BRPF3: variants seen among roughly 807,000 people sequenced by gnomAD.
BRPF3 encodes bromodomain and PHD finger-containing protein 3.
In BRPF3, 18 loss-of-function variants were observed where a neutral mutation model predicts 102.0. The ratio of observed to expected loss-of-function variants is 0.18; its 90% CI spans 0.12 to 0.26. The LOEUF (loss-of-function observed/expected upper bound fraction) is 0.26. BRPF3 is among the 10% of genes least tolerant of loss of function. The pLI is 1.00. For missense variants in BRPF3, 1,147 were observed against 1,567.8 expected, an observed-to-expected ratio of 0.73 and a Z score of 4.53; for synonymous variants, 570 against 614.2, an observed-to-expected ratio of 0.93 and a Z score of 1.06.
In BRPF3 at chr6:36,232,422, C is replaced by G. The variant is rs1768965617; in HGVS notation, c.*1813C>G. 6.6e-6 allele frequency: 1 copy of G among 152,564 alleles called. No individual in the cohort carries two copies. Among genetic ancestry groups the G allele is most frequent in the South Asian group, 2.1e-4 (1 of 4,832 alleles). 9.5% of individuals were successfully genotyped at this position (152,564 alleles called of 1,614,324 possible). ...CTTGGGACTTCCTCTCTTTCTATGT[C>G]TATCTCTTCCCCCCAACACTTTCTC... On this transcript the variant is annotated 3_prime_UTR_variant, in exon 13 of 13. Transcript: ENST00000357641.
intron 10 of BRPF3, among the ~76,000 whole-genome samples, chr6:36,222,856 T>C (rs1037090462): frequency 2.6e-5 from 4 of 152,244 alleles, no homozygotes; most frequent in Non-Finnish European, 4.4e-5. Context: ...TATGCATAGA[T>C]AATTTTATAT....
At chr6:36,216,545 T>A (rs1359517036) in intron 8 of BRPF3, among the ~76,000 whole-genome samples, 1 of 152,304 alleles carries the variant, frequency 6.6e-6, no homozygotes, top group East Asian at 1.9e-4. Flanking sequence ...GTGATTTAAA[T>A]TGTGGTCATA....
chr6:36,200,180 G>A lies in BRPF3; in HGVS notation c.-26-117G>A. ...AGCAAGCCATGTGGATGCCTGAGGGGCAAGTTGTTCAGACAGAGGGAAAAG... is the reference window on the plus strand; with the variant it reads ...AGCAAGCCATGTGGATGCCTGAGGGACAAGTTGTTCAGACAGAGGGAAAAG... On this transcript the variant is annotated intron_variant, in intron 1 of 12. Coordinates refer to ENST00000357641, the MANE Select transcript of BRPF3 (RefSeq NM_015695.3). The surrounding 1 kb of genome is among the most constrained non-coding windows in gnomAD (Gnocchi z 5.3). 7.8e-7 allele frequency: 1 copy of A among 1,287,142 alleles called. No homozygotes were observed. The highest frequency in any genetic ancestry group is 1.6e-5 in the South Asian group (1 of 60,678). 79.7% of individuals were successfully genotyped at this position (1,287,142 alleles called of 1,614,324 possible).
At chr6:36,223,371 C>T (rs977035208) in intron 10 of BRPF3, among the ~76,000 whole-genome samples, 5 of 152,200 alleles carry the variant, frequency 3.3e-5, no homozygotes, top group Non-Finnish European at 7.3e-5. Context: ...TGAATTTGTA[C>T]AGCATCTCAC....
At chr6:36,199,413 G>A (rs1157965165) in intron 1 of BRPF3, among the ~76,000 whole-genome samples, 1 of 152,188 alleles carries the variant, frequency 6.6e-6, no homozygotes, top group East Asian at 1.9e-4. Context: ...GCTGGGGACT[G>A]CTGTCCTGGA....
At chr6:36,197,798 C>T (rs9348992) in intron 1 of BRPF3, among the ~76,000 whole-genome samples, 88,938 of 151,894 alleles carry the variant, frequency 0.59, 26,851 homozygotes, top group South Asian at 0.76. Flanking sequence ...CCCTCATCAG[C>T]AGTCCCTTCC....
At position 36,200,847 on chromosome 6, in the gene BRPF3, G is replaced by T; in HGVS notation, c.525G>T (p.Gly175=). 6.2e-7 allele frequency: 1 copy of T among 1,614,186 alleles called. No individual in the cohort carries two copies. The highest frequency in any genetic ancestry group is 8.5e-7 in the Non-Finnish European group (1 of 1,180,040). The change falls in exon 2 of 13, where the codon GGG becomes GGT. Residue 175 remains glycine (G), a synonymous_variant. Transcript: ENST00000357641. This position sits in a 1 kb window ranked among gnomAD's most constrained non-coding sequence, Gnocchi z 5.3. ...TGAATGAAAAACGGCGAGTAGATGG[G>T]CACAGTTTGGTGTCTGCAGATACCT... ...DMVNEKRRVD[G]HSLVSADTFE...
At chr6:36,208,706 C>G (rs555666487) in intron 4 of BRPF3, among the ~76,000 whole-genome samples, 10 of 152,316 alleles carry the variant, frequency 6.6e-5, no homozygotes, top group African/African-American at 2.4e-4. Context: ...AACTTCTCAT[C>G]TCATCTCTGG....
chr6:36,229,069 T>A lies in BRPF3; in HGVS notation c.3434+13T>A, dbSNP rs770721458. ...ACAAGCGCACCTGGTTAGTGGGTGC[T>A]GCTGTGAGGGGGCTGAGGGGCACGC... On this transcript the variant is annotated intron_variant, in intron 12 of 12. Transcript: ENST00000357641. 1.2e-6 allele frequency: 2 copies of A among 1,613,022 alleles called. No homozygotes were observed. Among genetic ancestry groups the A allele is most frequent in the Non-Finnish European group, 8.5e-7 (1 of 1,179,642 alleles).
chr6:36,229,156 A>AGGGTAACTG, intron 12 of BRPF3, 100 bp downstream of exon 12: 1 of 1,454,780 alleles, frequency 6.9e-7, no homozygotes, highest in Non-Finnish European at 9.2e-7. Context: ...GGATGTTACC[A>AGGGTAACTG]GTTACCCTGG....
At chr6:36,212,750 G>A (rs928679656) in intron 7 of BRPF3, among the ~76,000 whole-genome samples, 26 of 151,608 alleles carry the variant, frequency 1.7e-4, no homozygotes, top group Non-Finnish European at 3.8e-4. Context: ...TCAGGAGATC[G>A]AGACCATCCT....
At chr6:36,221,342 A>G (rs374553084) in intron 9 of BRPF3, among the ~76,000 whole-genome samples, 5 of 133,256 alleles carry the variant, frequency 3.8e-5, no homozygotes, top group African/African-American at 1.4e-4. Context: ...GCTGGAGTGC[A>G]GTAGCATGAT....
intron 7 of BRPF3, among the ~76,000 whole-genome samples, chr6:36,213,386 G>A (rs1295695727): frequency 1.3e-5 from 2 of 152,154 alleles, no homozygotes; most frequent in African/African-American, 2.4e-5. Context: ...AGAACTACTA[G>A]TGTAGATAAA....
In BRPF3 at chr6:36,230,632, G is replaced by T. The variant is rs1414901133; in HGVS notation, c.*23G>T. 6.2e-7 allele frequency: 1 copy of T among 1,608,482 alleles called. No individual in the cohort carries two copies. The highest frequency in any genetic ancestry group is 8.5e-7 in the Non-Finnish European group (1 of 1,176,502). ...TAAGGGCAGGGCTGGGCCTGCATCC[G>T]CTTGCCCTGCCTCCATCCCGCAGGG... On this transcript the variant is annotated 3_prime_UTR_variant, in exon 13 of 13. Coordinates refer to ENST00000357641, the MANE Select transcript of BRPF3 (RefSeq NM_015695.3). The surrounding 1 kb of genome is among the most constrained non-coding windows in gnomAD (Gnocchi z 5.4).
At chr6:36,223,148 A>G (rs1393066130) in intron 10 of BRPF3, among the ~76,000 whole-genome samples, 1 of 152,172 alleles carries the variant, frequency 6.6e-6, no homozygotes, top group East Asian at 1.9e-4. Context: ...CAGCCCTGCT[A>G]TACAGGGGTG....
rs779453676 is a variant in BRPF3, at chr6:36,218,020, C to T, written c.3083+10C>T. ...CATTTGAAGCTTGCAGGTAAGAACACATTCCCAAAGCTTTGTCAGCAGCTC... is the reference window on the plus strand; with the variant it reads ...CATTTGAAGCTTGCAGGTAAGAACATATTCCCAAAGCTTTGTCAGCAGCTC... On this transcript the variant is annotated intron_variant, in intron 9 of 12. Transcript: ENST00000357641. The T allele has an allele frequency of 6.2e-7, 1 of 1,608,944 alleles. No individual in the cohort carries two copies. Among genetic ancestry groups the T allele is most frequent in the Non-Finnish European group, 8.5e-7 (1 of 1,177,100 alleles).
intron 9 of BRPF3, 117 bp downstream of exon 9, chr6:36,218,127 C>G (rs1294800254): frequency 1.2e-6 from 1 of 845,724 alleles, no homozygotes; most frequent in East Asian, 2.7e-5. Context: ...CCCACTCCTG[C>G]TATTTCCTGA....
intron 1 of BRPF3, among the ~76,000 whole-genome samples, chr6:36,197,969 T>G (rs1449103358): frequency 6.6e-6 from 1 of 152,072 alleles, no homozygotes; most frequent in Non-Finnish European, 1.5e-5. Context: ...GCACCGCCTG[T>G]CTGCGCTGTT....
At chr6:36,208,251 C>A (rs938010541) in intron 4 of BRPF3, among the ~76,000 whole-genome samples, 1 of 152,120 alleles carries the variant, frequency 6.6e-6, no homozygotes, top group Non-Finnish European at 1.5e-5. Context: ...AGAGCAAATA[C>A]TGTTAATTAA....
Sources: gnomAD v4.1 joint callset for allele counts (sites outside exome capture counted in the v4.1 genomes callset) on GRCh38, gnomAD v4.1.1 for gene constraint, Gnocchi (gnomAD v3.1) non-coding constraint, MANE v1.5 for transcripts, NCBI Gene and HGNC (gene_info 2026-07-23, HGNC 2026-07-21) for gene names.